The following METAP1 variants were observed in gnomAD, a reference collection of about 807,000 sequenced individuals.
METAP1 encodes the protein methionine aminopeptidase 1.
METAP1 carries 28 observed loss-of-function variants against 53.8 expected under a neutral mutation model. The ratio of observed to expected loss-of-function variants is 0.52; its 90% confidence interval spans 0.39 to 0.71. METAP1 has a LOEUF of 0.71. Among genes scored for constraint, METAP1 ranks in the 30% least tolerant of loss-of-function variants. METAP1 has a pLI of 0.00. For synonymous variants in METAP1, 181 were observed against 165.7 expected (o/e 1.09, Z -0.71); for missense variants, 389 against 479.8 (o/e 0.81, Z 1.77).
At chr4:99,050,060 T>G (rs1726582921) in intron 9 of METAP1, among the ~76,000 whole-genome samples, 1 of 152,138 alleles carries the variant, frequency 6.6e-6, no homozygotes, top group South Asian at 2.1e-4. Flanking sequence ...GTCAGTCTTT[T>G]CTCCCATACT....
At chr4:99,045,742 A>G (rs1726178309) in intron 8 of METAP1, among the ~76,000 whole-genome samples, 1 of 152,030 alleles carries the variant, frequency 6.6e-6, no homozygotes, top group Admixed American at 6.6e-5. Flanking sequence ...GAGATATCCC[A>G]TTACCGTTTA....
chr4:99,057,823 G>GA lies in METAP1; in HGVS notation c.997+11dup. 1.3e-6 allele frequency: 2 copies of GA among 1,585,906 alleles called. No homozygotes were observed. The highest frequency in any genetic ancestry group is 1.7e-6 in the Non-Finnish European group (2 of 1,164,808). On this transcript the variant is annotated splice_donor_region_variant and intron_variant, in intron 10 of 10. Transcript: ENST00000296411. ...TTGAGCCAATGATTTGTGAAGGTGA[G>GA]AAAAAAGGATGCCATGATATTTTTC...
In METAP1 at chr4:99,043,247, A is replaced by T. The variant is rs753890612; in HGVS notation, c.517-2A>T. On this transcript the variant is annotated splice_acceptor_variant, in intron 6 of 10. Coordinates refer to ENST00000296411, the MANE Select transcript of METAP1 (RefSeq NM_015143.3). LOFTEE classifies it high-confidence loss of function. ...TTCCAAATTATTTTTTCTGTATTAT[A>T]GGCATGTATTGCAAGAAATTGCTAC... 1.9e-6 allele frequency: 3 copies of T among 1,560,666 alleles called. No individual in the cohort carries two copies. The highest frequency in any genetic ancestry group is 3.7e-5 in the Admixed American group (2 of 54,270).
intron 8 of METAP1, 110 bp downstream of exon 8, chr4:99,045,420 C>CT: frequency 8.3e-7 from 1 of 1,199,408 alleles, no homozygotes; most frequent in Non-Finnish European, 1.1e-6. Context: ...TGCCCCTGTT[C>CT]TACCTGAGTT....
At chr4:99,033,813 T>TA (rs1725232215) in intron 2 of METAP1, among the ~76,000 whole-genome samples, 1 of 152,230 alleles carries the variant, frequency 6.6e-6, no homozygotes, top group Non-Finnish European at 1.5e-5. Flanking sequence ...AGTAAGAACA[T>TA]AATTTATTTG....
In METAP1 at chr4:99,039,438, T is replaced by G; in HGVS notation, c.405T>G (p.Asp135Glu). The change falls in exon 5 of 11, where the codon GAT becomes GAG. Residue 135 changes from aspartate to glutamate, a missense_variant. Physicochemically the swap from Asp to Glu is conservative, Grantham distance 45. Coordinates refer to ENST00000296411, the MANE Select transcript of METAP1 (RefSeq NM_015143.3). ...TSQIKLLSSE[D>E]IEGMRLVCRL... ...AGATTAAATTACTCTCATCTGAAGA[T>G]ATAGAAGGGATGCGACTTGTATGTA... 1 of 1,609,496 alleles carries G rather than the reference T, an allele frequency of 6.2e-7. No individual in the cohort carries two copies. The highest frequency in any genetic ancestry group is 8.5e-7 in the Non-Finnish European group (1 of 1,176,170).
intron 8 of METAP1, 22 bp from the exon 9 acceptor site, chr4:99,048,711 G>T: frequency 6.2e-7 from 1 of 1,611,010 alleles, no homozygotes; most frequent in South Asian, 1.1e-5. Flanking sequence ...AGTTTATCAT[G>T]AATTTTCTTT....
At position 99,022,865 on chromosome 4, in the gene METAP1, T is replaced by C. The variant is rs1425372260; in HGVS notation, c.115-6002T>C. 23 of 1,543,524 alleles carry C rather than the reference T, an allele frequency of 1.5e-5. No homozygotes were observed. The Admixed American group carries it at 3.6e-4, about 24-fold the overall frequency. On this transcript the variant is annotated intron_variant, in intron 1 of 10. Transcript: ENST00000296411. ...CTTTTTTCCCTCCCACGGCTGCTGC[T>C]GCCTTCTTTTTGCATCTCACAAACC...
At chr4:99,029,983 A>G (rs1352489634) in intron 2 of METAP1, among the ~76,000 whole-genome samples, 1 of 152,216 alleles carries the variant, frequency 6.6e-6, no homozygotes, top group Non-Finnish European at 1.5e-5. Flanking sequence ...ATCAACGCAT[A>G]AAAGATAGGA....
chr4:99,048,845 T>C lies in METAP1; in HGVS notation c.900T>C (p.Phe300=). 4 of 1,614,044 alleles carry C rather than the reference T, an allele frequency of 2.5e-6. No homozygotes were observed. The highest frequency in any genetic ancestry group is 3.4e-6 in the Non-Finnish European group (4 of 1,179,890). Residue 300 remains phenylalanine, a synonymous_variant, in exon 9 of 11, where the codon TTT becomes TTC. Transcript: ENST00000296411. The part of the protein sequence containing the change: ...SYCGHGIHKL[F]HTAPNVPHYA... ...GTGGGCATGGAATCCACAAGCTTTT[T>C]CATACAGCTCCCAATGTACCCCACT...
At chr4:99,048,398 A>G (rs1445786844) in intron 8 of METAP1, among the ~76,000 whole-genome samples, 1 of 152,098 alleles carries the variant, frequency 6.6e-6, no homozygotes, top group African/African-American at 2.4e-5. Context: ...ATTTTGAGAC[A>G]AGGTCTCTCT....
At chr4:99,025,473 A>G in intron 1 of METAP1, 12 of 981,686 alleles carry the variant, frequency 1.2e-5, no homozygotes, top group Non-Finnish European at 1.5e-5. Flanking sequence ...CTACATAGCA[A>G]ATTCCCAGAG....
intron 10 of METAP1, among the ~76,000 whole-genome samples, chr4:99,060,089 G>GT (rs1213322830): frequency 5.3e-5 from 8 of 151,606 alleles, no homozygotes; most frequent in Admixed American, 3.9e-4. Context: ...ATTCATTCAA[G>GT]TTTTTTTTCT....
intron 1 of METAP1, chr4:99,023,224 A>T: frequency 2.2e-6 from 1 of 448,394 alleles, no homozygotes; most frequent in Non-Finnish European, 3.8e-6. Context: ...AACCTATTTT[A>T]TATTGATGTA....
At chr4:98,996,155 C>T (rs944037441) in intron 1 of METAP1, among the ~76,000 whole-genome samples, 1 of 152,074 alleles carries the variant, frequency 6.6e-6, no homozygotes, top group South Asian at 2.1e-4. Flanking sequence ...CCGCGCTAGA[C>T]CTCCGCGTTC....
chr4:99,043,507 ATT>A, intron 7 of METAP1, 120 bp downstream of exon 7: 2 of 1,022,418 alleles, frequency 2.0e-6, no homozygotes, highest in Non-Finnish European at 2.9e-6. Flanking sequence ...CCTTTTTAAA[ATT>A]CAGTATCACT....
In METAP1 at chr4:99,007,784, TC is replaced by T. The variant is rs899003416; in HGVS notation, c.114+11919del. 2.3e-4 allele frequency among the ~76,000 whole-genome samples: 35 copies of T among 152,362 alleles called. 1 individual carries two copies. The East Asian group carries it at 5.6e-3, about 24-fold the overall frequency. ...TATCACCTTTAAAGTGGCTTCTATA[TC>T]CTTTTGAGTCTCCTCCATTACTCTC... On this transcript the variant is annotated intron_variant, in intron 1 of 10. Coordinates refer to ENST00000296411, the MANE Select transcript of METAP1 (RefSeq NM_015143.3).
chr4:99,019,936 T>C (rs1253874321), intron 1 of METAP1, among the ~76,000 whole-genome samples: 3 of 152,080 alleles, frequency 2.0e-5, no homozygotes, highest in Non-Finnish European at 4.4e-5. Flanking sequence ...TCAAAGGCCT[T>C]AGTGAGGTTT....
chr4:99,009,640 A>G (rs1723373741), intron 1 of METAP1, among the ~76,000 whole-genome samples: 1 of 152,192 alleles, frequency 6.6e-6, no homozygotes, highest in African/African-American at 2.4e-5. Context: ...AGCACGTTTC[A>G]TATGCCTGTT....
Sources: gnomAD v4.1 joint callset for allele counts (sites outside exome capture counted in the v4.1 genomes callset) on GRCh38, gnomAD v4.1.1 for gene constraint, MANE v1.5 for transcripts, NCBI Gene and HGNC (gene_info 2026-07-23, HGNC 2026-07-21) for gene names.